Variants in CAPN6 observed in about 807,000 individuals in gnomAD.
The protein encoded by CAPN6 is calpain-6.
CAPN6 carries 16 observed loss-of-function variants against 46.0 expected under a neutral mutation model. The ratio of observed to expected loss-of-function variants is 0.35; its 90% confidence interval spans 0.24 to 0.53. The LOEUF (loss-of-function observed/expected upper bound fraction) is 0.53. CAPN6 is among the 20% of genes least tolerant of loss of function. CAPN6 has a pLI of 0.94. For missense variants in CAPN6, 461 were observed against 498.0 expected (o/e 0.93, Z 0.71); for synonymous variants, 206 against 172.8 (o/e 1.19, Z -1.51).
chrX:111,262,129 G>A lies in CAPN6; in HGVS notation c.165+1643C>T, dbSNP rs150077125. ...AAAAAAAGCCTGTCTGCATACCAAA[G>A]TATTGGTTAATGAATTCTGCTCATT... On this transcript the variant is annotated intron_variant, in intron 2 of 12. Coordinates refer to ENST00000324068, the MANE Select transcript of CAPN6 (RefSeq NM_014289.4). Among the ~76,000 whole-genome samples the A allele has an allele frequency of 3.0e-3, 339 of 111,643 alleles. 1 individual carries two copies. The highest frequency in any genetic ancestry group is 0.01 in the African/African-American group (321 of 30,767).
chrX:111,251,410 G>A (rs762882177), intron 6 of CAPN6, 124 bp from the exon 7 acceptor site: 13 of 909,231 alleles, frequency 1.4e-5, no homozygotes, highest in East Asian at 3.1e-5. Context: ...TTCATCTGCG[G>A]CTGGGTCACA....
chrX:111,253,542 T>G (rs1698027989), intron 3 of CAPN6, among the ~76,000 whole-genome samples: 1 of 112,508 alleles, frequency 8.9e-6, no homozygotes, highest in South Asian at 3.7e-4. Context: ...ATAAACATAT[T>G]CATGATTGCA....
intron 10 of CAPN6, 76 bp from the exon 11 acceptor site, chrX:111,248,068 T>C: frequency 9.9e-7 from 1 of 1,005,865 alleles, no homozygotes; most frequent in African/African-American, 1.9e-5. Flanking sequence ...AAAGCAGACA[T>C]CATTGCTGAA....
intron 2 of CAPN6, among the ~76,000 whole-genome samples, chrX:111,263,094 T>C (rs777087954): frequency 5.3e-5 from 6 of 112,535 alleles, no homozygotes; most frequent in African/African-American, 1.6e-4. Context: ...AGAGCATAGT[T>C]GCTTTTTGTG....
At chrX:111,270,124 A>G (rs987712680) in intron 1 of CAPN6, among the ~76,000 whole-genome samples, 2 of 111,564 alleles carry the variant, frequency 1.8e-5, no homozygotes, top group African/African-American at 6.5e-5. Context: ...ATCCCCAGAA[A>G]AGTTTCATTG....
chrX:111,254,219 T>C, intron 3 of CAPN6, 53 bp downstream of exon 3: 2 of 1,108,964 alleles, frequency 1.8e-6, no homozygotes, highest in Non-Finnish European at 2.4e-6. Flanking sequence ...CTAAAGTTAT[T>C]AAAGAAGACA....
At chrX:111,266,266 C>T (rs1386228457) in intron 1 of CAPN6, among the ~76,000 whole-genome samples, 7 of 107,377 alleles carry the variant, frequency 6.5e-5, no homozygotes, top group Admixed American at 4.0e-4. Context: ...AAAAGTGACC[C>T]GCATTTCTGA....
In CAPN6 at chrX:111,254,252, T is replaced by A. The variant is rs759771220; in HGVS notation, c.297+20A>T. The A allele has an allele frequency of 8.6e-7, 1 of 1,167,248 alleles. No homozygotes were observed. Among genetic ancestry groups the A allele is most frequent in the East Asian group, 3.1e-5 (1 of 32,722 alleles). Reference sequence around the variant, plus strand: ...ACAAGAAAGTGGAAACTGAATGAGGTCCCACAGGAGGGATAATACCTTTGT... The same window carrying A: ...ACAAGAAAGTGGAAACTGAATGAGGACCCACAGGAGGGATAATACCTTTGT... On this transcript the variant is annotated intron_variant, in intron 3 of 12. Coordinates refer to ENST00000324068, the MANE Select transcript of CAPN6 (RefSeq NM_014289.4).
intron 8 of CAPN6, among the ~76,000 whole-genome samples, chrX:111,249,903 G>C (rs2094977711): frequency 9.5e-6 from 1 of 105,652 alleles, no homozygotes; most frequent in African/African-American, 3.5e-5. Flanking sequence ...AGGGAGGGAG[G>C]GAGGGAGGGA....
At position 111,252,367 on chromosome X, in the gene CAPN6, C is replaced by T. The variant is rs1261328645; in HGVS notation, c.639G>A (p.Lys213=). ...RYTELVEEKY[K]LFGELYKTFT... is the part of the protein sequence containing the mutation. ...ATGTTTTGTACAGTTCTCCGAATAG[C>T]TTGTACTTCTCCTCAACAAGCTCAG... The change falls in exon 5 of 13, where the codon AAG becomes AAA. Residue 213 remains lysine, a synonymous_variant. Coordinates refer to ENST00000324068, the MANE Select transcript of CAPN6 (RefSeq NM_014289.4). 2 of 1,208,643 alleles carry T rather than the reference C, an allele frequency of 1.7e-6. No homozygotes were observed. Among genetic ancestry groups the T allele is most frequent in the Non-Finnish European group, 2.2e-6 (2 of 894,239 alleles).
chrX:111,266,192 C>T (rs2094991713), intron 1 of CAPN6, among the ~76,000 whole-genome samples: 1 of 97,319 alleles, frequency 1.0e-5, no homozygotes, highest in Non-Finnish European at 2.0e-5. Context: ...CGAGATCGTG[C>T]CATTGCACTC....
chrX:111,270,375 G>C lies in CAPN6; in HGVS notation c.-20C>G. 3.2e-6 allele frequency: 1 copy of C among 312,915 alleles called. No individual in the cohort carries two copies. Among genetic ancestry groups the C allele is most frequent in the South Asian group, 2.6e-5 (1 of 37,831 alleles). The allele number at this position is 312,915 out of a possible 1,213,427, so 25.8% of individuals were successfully genotyped here. A position where few individuals can be genotyped will look rare whatever the true frequency, so the allele number is the denominator to read the frequency against. On this transcript the variant is annotated 5_prime_UTR_variant, in exon 1 of 13. Transcript: ENST00000324068. ...GCGAATTCCCTCTCTACTCACCTGA[G>C]TTATCCCAGGAGCCCTGCTGCTGCT...
intron 2 of CAPN6, among the ~76,000 whole-genome samples, chrX:111,262,829 A>G (rs2094988912): frequency 8.9e-6 from 1 of 112,155 alleles, no homozygotes; most frequent in Admixed American, 9.4e-5. Context: ...ACAGAGAACC[A>G]CAACAACTAT....
chrX:111,247,342 C>T, intron 12 of CAPN6, 26 bp downstream of exon 12: 1 of 1,162,467 alleles, frequency 8.6e-7, no homozygotes, highest in Non-Finnish European at 1.2e-6. Context: ...ATGAGCCTTT[C>T]TGGCGACCCC....
chrX:111,253,364 T>C, intron 3 of CAPN6, 148 bp from the exon 4 acceptor site: 2 of 486,827 alleles, frequency 4.1e-6, no homozygotes, highest in South Asian at 3.2e-5. Context: ...TTCCTAGATA[T>C]GGCATTTTGC....
intron 2 of CAPN6, among the ~76,000 whole-genome samples, chrX:111,261,812 C>T (rs1384841206): frequency 8.9e-6 from 1 of 111,832 alleles, no homozygotes; most frequent in East Asian, 2.8e-4. Context: ...TCCTCCACCT[C>T]ACCCCTATCA....
rs139354933 is a variant in CAPN6, at chrX:111,246,621, T to C, written c.1882A>G (p.Ile628Val). The part of the protein sequence containing the change: ...GPTAKVKQGH[I>V]SFKVISSDDL... ...TCGCTGGAAATAACCTTGAAGCTGA[T>C]GTGGCCTTGCTTGACTTTGGCAGTT... Residue 628 changes from isoleucine (I) to valine (V), a missense_variant, in exon 13 of 13, where the codon ATC becomes GTC. Physicochemically the swap from Ile to Val is conservative, Grantham distance 29. Coordinates refer to ENST00000324068, the MANE Select transcript of CAPN6 (RefSeq NM_014289.4). The C allele has an allele frequency of 1.7e-6, 2 of 1,209,559 alleles. No individual in the cohort carries two copies. Among genetic ancestry groups the C allele is most frequent in the Non-Finnish European group, 2.2e-6 (2 of 894,955 alleles).
chrX:111,250,986 A>G lies in CAPN6; in HGVS notation c.1089T>C (p.Asp363=). The change falls in exon 8 of 13, where the codon GAT becomes GAC. Residue 363 remains aspartate (D), a synonymous_variant. Coordinates refer to ENST00000324068, the MANE Select transcript of CAPN6 (RefSeq NM_014289.4). ...LESVLGCWTV[D]DDPLMNRSGG... ...CTGAGCGGTTCATCAGGGGATCATC[A>G]TCCACAGTCCAGCATCCCAACACCG... 8.3e-7 allele frequency: 1 copy of G among 1,211,427 alleles called. No homozygotes were observed.
chrX:111,247,656 CT>C, intron 11 of CAPN6, 152 bp from the exon 12 acceptor site: 1 of 670,355 alleles, frequency 1.5e-6, no homozygotes, highest in Non-Finnish European at 2.2e-6. Context: ...TCCCACTTCC[CT>C]TTCCTTTTCC....
Sources: gnomAD v4.1 joint callset for allele counts (sites outside exome capture counted in the v4.1 genomes callset) on GRCh38, gnomAD v4.1.1 for gene constraint, MANE v1.5 for transcripts, NCBI Gene and HGNC (gene_info 2026-07-23, HGNC 2026-07-21) for gene names.